TANC2: variants seen among roughly 807,000 people sequenced by gnomAD.
TANC2 encodes the protein protein TANC2.
Under a neutral mutation model 210.5 loss-of-function variants are expected in TANC2, and 26 were observed. That is an observed-to-expected ratio of 0.12 (90% CI 0.09 to 0.17). The LOEUF (loss-of-function observed/expected upper bound fraction) is 0.17. TANC2 is among the 10% of genes least tolerant of loss of function. TANC2 has a pLI of 1.00. For missense variants in TANC2, 2,129 were observed against 2,608.9 expected (o/e 0.82, Z 4.01); for synonymous variants, 931 against 967.1 (o/e 0.96, Z 0.69).
chr17:63,299,670 T>G (rs1400604619), intron 9 of TANC2, among the ~76,000 whole-genome samples: 4 of 152,134 alleles, frequency 2.6e-5, no homozygotes, highest in Non-Finnish European at 5.9e-5. Context: ...TCCTTGTAGA[T>G]TCTGGGTATT....
chr17:63,015,425 G>A (rs577761264), intron 2 of TANC2, among the ~76,000 whole-genome samples: 1 of 151,820 alleles, frequency 6.6e-6, no homozygotes, highest in Admixed American at 6.6e-5. Flanking sequence ...CTATTAACTC[G>A]TCATTTACAT....
rs577837839 is a variant in TANC2 at position 63,032,028 on chromosome 17, G to A, written c.67+22402G>A. Among the ~76,000 whole-genome samples the A allele has an allele frequency of 5.3e-5, 8 of 152,280 alleles. No homozygotes were observed. In the East Asian group the frequency reaches 1.5e-3, roughly 29 times the overall value. ...GTTGTGAGAAAACTTGACACATTTT[G>A]TGAACTATATATAGGTAGTTTGGTA... On this transcript the variant is annotated intron_variant, in intron 2 of 27. Transcript: ENST00000689528.
At chr17:63,352,422 G>C (rs1313504152) in intron 13 of TANC2, among the ~76,000 whole-genome samples, 2 of 152,050 alleles carry the variant, frequency 1.3e-5, no homozygotes, top group Non-Finnish European at 2.9e-5. Flanking sequence ...TAATCTCAAA[G>C]TAGTTTGAGC....
At chr17:63,351,030 CAT>C (rs1245535267) in intron 12 of TANC2, among the ~76,000 whole-genome samples, 4 of 152,058 alleles carry the variant, frequency 2.6e-5, no homozygotes, top group Admixed American at 6.6e-5. Flanking sequence ...TATATATACT[CAT>C]ATGTGACAAA....
At chr17:63,318,383 G>T (rs1482950992) in intron 10 of TANC2, among the ~76,000 whole-genome samples, 1 of 152,144 alleles carries the variant, frequency 6.6e-6, no homozygotes, top group East Asian at 1.9e-4. Flanking sequence ...GTTCAACTCA[G>T]TATTTTTAGT....
At chr17:62,972,223 A>G (rs1178780968) in intron 1 of TANC2, among the ~76,000 whole-genome samples, 1 of 152,206 alleles carries the variant, frequency 6.6e-6, no homozygotes, top group East Asian at 1.9e-4. Flanking sequence ...GATATGTCAT[A>G]TAAGTTGTTT....
intron 2 of TANC2, among the ~76,000 whole-genome samples, chr17:63,039,388 GTTGGA>G (rs2035095669): frequency 6.6e-6 from 1 of 152,100 alleles, no homozygotes; most frequent in South Asian, 2.1e-4. Context: ...CTGTCCTTTT[GTTGGA>G]TTAAAGCAAA....
At chr17:63,094,489 G>C (rs1567717570) in intron 3 of TANC2, among the ~76,000 whole-genome samples, 1 of 152,062 alleles carries the variant, frequency 6.6e-6, no homozygotes, top group Admixed American at 6.6e-5. Flanking sequence ...ATTCACCAAT[G>C]ATGTATACAG....
chr17:62,995,189 A>C (rs1313018927), intron 1 of TANC2, among the ~76,000 whole-genome samples: 1 of 152,184 alleles, frequency 6.6e-6, no homozygotes, highest in Non-Finnish European at 1.5e-5. Context: ...ACCTTTTATA[A>C]ATCCTGTTAT....
chr17:63,331,448 G>T (rs186048135), intron 11 of TANC2, among the ~76,000 whole-genome samples: 93 of 152,306 alleles, frequency 6.1e-4, no homozygotes, highest in African/African-American at 2.2e-3. Flanking sequence ...TGCCCACGAA[G>T]TGGACTTGAT....
At chr17:63,389,748 G>A (rs957639152) in intron 17 of TANC2, 1 of 593,740 alleles carries the variant, frequency 1.7e-6, no homozygotes, top group Non-Finnish European at 3.0e-6. Context: ...TAAACCCTTT[G>A]AGAGGTGCTT....
chr17:63,086,028 TG>T (rs1231554355), intron 3 of TANC2, among the ~76,000 whole-genome samples: 14 of 152,112 alleles, frequency 9.2e-5, no homozygotes, highest in African/African-American at 2.2e-4. Context: ...ATTCTAGGTT[TG>T]TTTTTTTTTT....
intron 4 of TANC2, among the ~76,000 whole-genome samples, chr17:63,144,135 C>T (rs768914630): frequency 3.9e-5 from 6 of 152,054 alleles, no homozygotes; most frequent in South Asian, 2.1e-4. Flanking sequence ...CCATATGCTA[C>T]GAGTTGTTGC....
In TANC2 at chr17:63,420,833, G is replaced by A. The variant is rs920166361; in HGVS notation, c.5103G>A (p.Gln1701=). The change falls in exon 28 of 28, where the codon CAG becomes CAA. Residue 1701 remains glutamine, a synonymous_variant. Transcript: ENST00000689528. This position sits in a 1 kb window ranked among gnomAD's most constrained non-coding sequence, Gnocchi z 4.2. ...AGGCCCAGATTGTGAGAAGTAACCAGCCCAGCCCAGCCGTCCATTCAAGCA... is the reference window on the plus strand; with the variant it reads ...AGGCCCAGATTGTGAGAAGTAACCAACCCAGCCCAGCCGTCCATTCAAGCA... 1 of 1,613,984 alleles carries A rather than the reference G, an allele frequency of 6.2e-7. No individual in the cohort carries two copies. The highest frequency in any genetic ancestry group is 8.5e-7 in the Non-Finnish European group (1 of 1,179,882).
At chr17:63,049,022 A>G (rs562037253) in intron 2 of TANC2, among the ~76,000 whole-genome samples, 2 of 152,212 alleles carry the variant, frequency 1.3e-5, no homozygotes, top group African/African-American at 2.4e-5. Flanking sequence ...CTCCTTCCCA[A>G]CCCTCCATCT....
intron 11 of TANC2, among the ~76,000 whole-genome samples, chr17:63,335,094 T>TGGG (rs1369901379): frequency 6.6e-6 from 1 of 152,168 alleles, no homozygotes; most frequent in African/African-American, 2.4e-5. Context: ...TCTCCAACAT[T>TGGG]GGGAATTACA....
chr17:63,107,046 C>T (rs1021481658), intron 4 of TANC2, among the ~76,000 whole-genome samples: 1 of 151,472 alleles, frequency 6.6e-6, no homozygotes, highest in Non-Finnish European at 1.5e-5. Context: ...AATAACAAGT[C>T]ATTGATACTT....
exon 28 of TANC2, chr17:63,427,599 A>G (rs1337408226): frequency 6.6e-6 from 1 of 152,248 alleles, no homozygotes; most frequent in Non-Finnish European, 1.5e-5. Context: ...GAAAAGTTCA[A>G]ATGAATGCAT....
At chr17:63,306,242 G>A (rs1197293436) in intron 9 of TANC2, among the ~76,000 whole-genome samples, 1 of 152,150 alleles carries the variant, frequency 6.6e-6, no homozygotes, top group Non-Finnish European at 1.5e-5. Context: ...AAATTCATAA[G>A]ACTTGAAGAC....
Sources: gnomAD v4.1 joint callset for allele counts (sites outside exome capture counted in the v4.1 genomes callset) on GRCh38, gnomAD v4.1.1 for gene constraint, Gnocchi (gnomAD v3.1) non-coding constraint, MANE v1.5 for transcripts, NCBI Gene and HGNC (gene_info 2026-07-23, HGNC 2026-07-21) for gene names.